The following TRANK1 variants were observed in gnomAD, a reference collection of about 807,000 sequenced individuals.
TRANK1 encodes the protein tetratricopeptide repeat and ankyrin repeat containing 1, also known as TPR and ankyrin repeat-containing protein 1.
A neutral mutation model predicts 266.0 loss-of-function variants in TRANK1; 198 were observed. The ratio of observed to expected loss-of-function variants is 0.74; its 90% CI spans 0.66 to 0.84. The LOEUF is 0.84. TRANK1 is among the 40% of genes least tolerant of loss of function. The probability of loss-of-function intolerance (pLI) is 0.00; values close to 1 mark genes in which losing one functional copy is unlikely to be tolerated. For synonymous variants in TRANK1, 1,396 were observed against 1,384.1 expected, an observed-to-expected ratio of 1.01 and a Z score of -0.19; for missense variants, 3,326 against 3,634.6, an observed-to-expected ratio of 0.92 and a Z score of 2.18.
intron 18 of TRANK1, among the ~76,000 whole-genome samples, chr3:36,841,421 G>C (rs955656462): frequency 3.3e-5 from 5 of 152,190 alleles, no homozygotes; most frequent in African/African-American, 1.2e-4. Flanking sequence ...GGTGCCTGGG[G>C]TAGAGAAATC....
intron 1 of TRANK1, among the ~76,000 whole-genome samples, chr3:36,939,354 C>G (rs2080466777): frequency 6.6e-6 from 1 of 151,958 alleles, no homozygotes; most frequent in African/African-American, 2.4e-5. Flanking sequence ...ATGTTTTAGC[C>G]ACATGACCAC....
intron 8 of TRANK1, among the ~76,000 whole-genome samples, chr3:36,885,793 G>A (rs2079594136): frequency 6.6e-6 from 1 of 151,948 alleles, no homozygotes; most frequent in South Asian, 2.1e-4. Flanking sequence ...TCCTATCTTG[G>A]CCTCCCATAG....
chr3:36,860,400 C>T (rs1381667098), intron 11 of TRANK1, among the ~76,000 whole-genome samples: 1 of 152,192 alleles, frequency 6.6e-6, no homozygotes, highest in Non-Finnish European at 1.5e-5. Flanking sequence ...CAGACACACA[C>T]CCAGCCACGC....
Position 36,847,363 on chromosome 3 carries a change from A to G in TRANK1, c.4888-17T>C. 6.2e-7 allele frequency: 1 copy of G among 1,612,692 alleles called. No individual in the cohort carries two copies. The highest frequency in any genetic ancestry group is 8.5e-7 in the Non-Finnish European group (1 of 1,179,150). On this transcript the variant is annotated splice_polypyrimidine_tract_variant and intron_variant, in intron 15 of 23. Transcript: ENST00000645898. Reference sequence around the variant, plus strand: ...CTTATAAGCCTGAACAACAACAAAAAAGTGAAGACCAACAGAATATGCTTT... The same window carrying G: ...CTTATAAGCCTGAACAACAACAAAAGAGTGAAGACCAACAGAATATGCTTT...
intron 7 of TRANK1, among the ~76,000 whole-genome samples, chr3:36,890,284 G>T (rs1482650785): frequency 6.6e-6 from 1 of 152,172 alleles, no homozygotes; most frequent in East Asian, 1.9e-4. Context: ...GAGAGAGCAA[G>T]GGAGGCAGGA....
intron 11 of TRANK1, among the ~76,000 whole-genome samples, chr3:36,860,287 G>A (rs748246404): frequency 2.6e-5 from 4 of 152,186 alleles, no homozygotes; most frequent in Non-Finnish European, 5.9e-5. Context: ...CACACAGTTA[G>A]TACTGGCATT....
chr3:36,868,498 A>G (rs2079260011), intron 9 of TRANK1, among the ~76,000 whole-genome samples: 1 of 152,208 alleles, frequency 6.6e-6, no homozygotes, highest in South Asian at 2.1e-4. Context: ...ATTTTTGTCC[A>G]AAATCTTTTT....
In TRANK1 at chr3:36,828,132, G is replaced by T; in HGVS notation, c.*143C>A. 1 of 631,022 alleles carries T rather than the reference G, an allele frequency of 1.6e-6. No individual in the cohort carries two copies. Among genetic ancestry groups the T allele is most frequent in the Non-Finnish European group, 2.8e-6 (1 of 358,576 alleles). 39.1% of individuals were successfully genotyped at this position (631,022 alleles called of 1,614,324 possible). On this transcript the variant is annotated 3_prime_UTR_variant, in exon 24 of 24. Coordinates refer to ENST00000645898, the MANE Select transcript of TRANK1 (RefSeq NM_001329998.2). ...CCTAAGCCACTGAAAGAGAAGTAATGAGAATAAAAAGCAATGGTGTTGTTA... is the reference window on the plus strand; with the variant it reads ...CCTAAGCCACTGAAAGAGAAGTAATTAGAATAAAAAGCAATGGTGTTGTTA...
Position 36,845,038 on chromosome 3 carries a change from A to T in TRANK1, c.5191+1210T>A, listed in dbSNP as rs142996932. ...CTTCGTTAGGTAGCCTTTGCAAATT[A>T]TGAAAAAAAAATACACAATTAAAAA... is the stretch of plus-strand genomic sequence containing the variant. On this transcript the variant is annotated intron_variant, in intron 17 of 23. Coordinates refer to ENST00000645898, the MANE Select transcript of TRANK1 (RefSeq NM_001329998.2). Among the ~76,000 whole-genome samples the T allele has an allele frequency of 1.7e-3, 253 of 149,340 alleles. 1 individual carries two copies. Among genetic ancestry groups the T allele is most frequent in the African/African-American group, 5.9e-3 (244 of 41,356 alleles).
Position 36,855,945 on chromosome 3 carries a change from T to G in TRANK1, c.3777A>C (p.Lys1259Asn). ...LLLLLDASLP[K>N]PFFLRNEDGS... ...CATCTTCGTTTCTCAGAAAAAATGG[T>G]TTGGGCAGAGAAGCATCAAGCAGAA... Residue 1259 changes from lysine to asparagine, a missense_variant, in exon 13 of 24, where the codon AAA becomes AAC. Physicochemically the swap from Lys to Asn is moderately conservative, Grantham distance 94. Coordinates refer to ENST00000645898, the MANE Select transcript of TRANK1 (RefSeq NM_001329998.2). The G allele has an allele frequency of 6.2e-7, 1 of 1,613,302 alleles. No individual in the cohort carries two copies. The highest frequency in any genetic ancestry group is 1.7e-5 in the Admixed American group (1 of 59,952).
Position 36,828,072 on chromosome 3 carries a change from T to C in TRANK1, c.*203A>G. Reference sequence around the variant, plus strand: ...GGAAACTAATACTGCCAGACTCTACTTGGAAACACTTTAGAGGTGAGGGAG... The same window carrying C: ...GGAAACTAATACTGCCAGACTCTACCTGGAAACACTTTAGAGGTGAGGGAG... On this transcript the variant is annotated 3_prime_UTR_variant, in exon 24 of 24. Transcript: ENST00000645898. The C allele has an allele frequency of 1.9e-6, 1 of 534,138 alleles. No homozygotes were observed. The highest frequency in any genetic ancestry group is 3.4e-6 in the Non-Finnish European group (1 of 297,656). 33.1% of individuals were successfully genotyped at this position (534,138 alleles called of 1,614,324 possible). A position where few individuals can be genotyped will look rare whatever the true frequency, so the allele number is the denominator to read the frequency against.
chr3:36,928,274 G>A (rs2080315735), intron 1 of TRANK1, among the ~76,000 whole-genome samples: 1 of 152,168 alleles, frequency 6.6e-6, no homozygotes, highest in Non-Finnish European at 1.5e-5. Flanking sequence ...AAGCAACGTG[G>A]TTTTTTGTTT....
intron 3 of TRANK1, among the ~76,000 whole-genome samples, chr3:36,901,098 GTTGTTT>G (rs1483175033): frequency 4.2e-5 from 4 of 95,982 alleles, no homozygotes; most frequent in African/African-American, 1.6e-4. Context: ...CAGATTCAAG[GTTGTTT>G]TTTTTTTTTT....
At chr3:36,879,467 T>A (rs1334102778) in intron 8 of TRANK1, among the ~76,000 whole-genome samples, 5 of 149,530 alleles carry the variant, frequency 3.3e-5, no homozygotes, top group Non-Finnish European at 7.4e-5. Context: ...AATGAACATA[T>A]CAAACTTGAT....
Position 36,857,030 on chromosome 3 carries a change from G to C in TRANK1, c.2692C>G (p.Arg898Gly), listed in dbSNP as rs749518457. Residue 898 changes from arginine (R) to glycine (G), a missense_variant, in exon 13 of 24, where the codon CGG becomes GGG. Coordinates refer to ENST00000645898, the MANE Select transcript of TRANK1 (RefSeq NM_001329998.2). The surrounding 1 kb of genome is among the most constrained non-coding windows in gnomAD (Gnocchi z 4.3). ...TCAATGGCGAGCTCCCAGAGCATCC[G>C]GGCTCCTTTGTCCAGCTTAGCTTCG... The part of the protein sequence containing the change: ...LFEAKLDKGA[R>G]MLWELAIDFS... The C allele has an allele frequency of 6.2e-7, 1 of 1,613,772 alleles. No homozygotes were observed. Among genetic ancestry groups the C allele is most frequent in the Non-Finnish European group, 8.5e-7 (1 of 1,179,862 alleles).
intron 1 of TRANK1, among the ~76,000 whole-genome samples, chr3:36,912,871 CTTTTTTA>C (rs2080071912): frequency 1.7e-5 from 1 of 60,338 alleles, no homozygotes; most frequent in South Asian, 3.7e-4. Flanking sequence ...AATTTGTTTA[CTTTTTTA>C]TTTTATTTTT....
chr3:36,884,366 T>C (rs956518706), intron 8 of TRANK1, among the ~76,000 whole-genome samples: 4 of 152,194 alleles, frequency 2.6e-5, no homozygotes, highest in African/African-American at 9.6e-5. Flanking sequence ...AAGTGGTTGA[T>C]TCCAGGGCTG....
At chr3:36,844,887 C>G (rs2078894981) in intron 17 of TRANK1, among the ~76,000 whole-genome samples, 1 of 152,106 alleles carries the variant, frequency 6.6e-6, no homozygotes, top group Admixed American at 6.6e-5. Context: ...TTGCTCTACC[C>G]TTATAGAAAT....
intron 9 of TRANK1, 83 bp downstream of exon 9, chr3:36,874,043 C>T (rs1408543566): frequency 7.1e-6 from 9 of 1,270,600 alleles, no homozygotes; most frequent in Middle Eastern, 1.9e-4. Flanking sequence ...TATATATATA[C>T]CAAAAAGAGA....
Sources: allele counts gnomAD v4.1 joint callset (sites outside exome capture counted in the v4.1 genomes callset), GRCh38; gene constraint gnomAD v4.1.1; non-coding constraint Gnocchi (gnomAD v3.1); transcripts MANE v1.5; gene names NCBI Gene and HGNC (gene_info 2026-07-23, HGNC 2026-07-21).